ARFGEF1: variants seen among roughly 807,000 people sequenced by gnomAD.
The protein encoded by ARFGEF1 is ARF guanine nucleotide exchange factor 1.
ARFGEF1 carries 42 observed loss-of-function variants against 231.0 expected under a neutral mutation model. The observed-to-expected ratio is 0.18, with a 90% CI of 0.14 to 0.24. ARFGEF1 has a LOEUF of 0.24. ARFGEF1 is among the 10% of genes least tolerant of loss of function. The pLI is 1.00. For missense variants in ARFGEF1, 1,345 were observed against 2,192.0 expected, an observed-to-expected ratio of 0.61 and a Z score of 7.72; for synonymous variants, 710 against 732.3, an observed-to-expected ratio of 0.97 and a Z score of 0.49.
At chr8:67,331,271 A>T (rs1808086298) in intron 1 of ARFGEF1, among the ~76,000 whole-genome samples, 1 of 152,184 alleles carries the variant, frequency 6.6e-6, no homozygotes, top group Non-Finnish European at 1.5e-5. Context: ...TATGGTCTGT[A>T]TGTTTGTGTC....
At chr8:67,306,051 T>C (rs537460962) in intron 1 of ARFGEF1, among the ~76,000 whole-genome samples, 4 of 152,356 alleles carry the variant, frequency 2.6e-5, no homozygotes, top group Non-Finnish European at 5.9e-5. Flanking sequence ...CAGCATATGA[T>C]TGTTTTTTCT....
chr8:67,341,697 C>A (rs918667055), intron 1 of ARFGEF1, among the ~76,000 whole-genome samples: 2 of 152,154 alleles, frequency 1.3e-5, no homozygotes, highest in Middle Eastern at 3.2e-3. Flanking sequence ...TTTTAAAAAT[C>A]CTGAAATCAC....
rs145615177 is a variant in ARFGEF1, at chr8:67,229,030, T to C, written c.3381-766A>G. ...ATTTGCATGATAAAAAGGAAAACTT[T>C]AAAGGCAGGAGCAGGTCACAGTAGT... On this transcript the variant is annotated intron_variant, in intron 23 of 38. Transcript: ENST00000262215. Among the ~76,000 whole-genome samples the C allele has an allele frequency of 4.3e-4, 65 of 152,164 alleles. No individual in the cohort carries two copies. In the East Asian group the frequency reaches 0.012, roughly 28 times the overall value.
intron 30 of ARFGEF1, 69 bp from the exon 31 acceptor site, chr8:67,218,207 AATATATATAT>A (rs1228163654): frequency 6.6e-5 from 6 of 91,348 alleles, no homozygotes; most frequent in South Asian, 3.6e-4. Flanking sequence ...AAAAAAAAAA[AATATATATAT>A]ATATATATAT....
chr8:67,241,716 CT>C (rs1232525473), intron 19 of ARFGEF1, among the ~76,000 whole-genome samples: 2 of 152,102 alleles, frequency 1.3e-5, no homozygotes, highest in Admixed American at 1.3e-4. Flanking sequence ...TAACAACTAT[CT>C]ACACACAAAA....
At chr8:67,246,301 T>C (rs189205839) in intron 19 of ARFGEF1, among the ~76,000 whole-genome samples, 6 of 150,710 alleles carry the variant, frequency 4.0e-5, no homozygotes, top group Non-Finnish European at 5.9e-5. Context: ...CCAATGGCAG[T>C]AGCATACACA....
intron 35 of ARFGEF1, among the ~76,000 whole-genome samples, chr8:67,203,882 T>A (rs1039136205): frequency 6.6e-6 from 1 of 151,750 alleles, no homozygotes; most frequent in African/African-American, 2.4e-5. Context: ...CCCCCAGCCC[T>A]CCCCCTGCCG....
intron 1 of ARFGEF1, among the ~76,000 whole-genome samples, chr8:67,321,610 G>A (rs572234159): frequency 4.7e-4 from 72 of 152,058 alleles, no homozygotes; most frequent in African/African-American, 1.6e-3. Flanking sequence ...ACAGGCACCC[G>A]CCACCACGCC....
chr8:67,336,145 A>G (rs1222078714), intron 1 of ARFGEF1, among the ~76,000 whole-genome samples: 1 of 152,262 alleles, frequency 6.6e-6, no homozygotes, highest in Non-Finnish European at 1.5e-5. Context: ...GCAAAACAAA[A>G]TATCAAAAGC....
chr8:67,296,305 T>G, intron 5 of ARFGEF1, 126 bp downstream of exon 5: 1 of 888,440 alleles, frequency 1.1e-6, no homozygotes, highest in Non-Finnish European at 1.7e-6. Context: ...CTCCAGTAAG[T>G]GGAAATGTAA....
chr8:67,192,483 A>G (rs1021294149), intron 5 of ARFGEF1, among the ~76,000 whole-genome samples: 1 of 151,976 alleles, frequency 6.6e-6, no homozygotes, highest in Non-Finnish European at 1.5e-5. Context: ...CTTTTTTCCC[A>G]TTCTGTATCT....
downstream of ARFGEF1, chr8:67,195,777 A>G: frequency 3.4e-6 from 2 of 581,528 alleles, no homozygotes; most frequent in South Asian, 4.4e-5. Flanking sequence ...TTATTGATTT[A>G]TATAATAGAA....
Position 67,343,537 on chromosome 8 carries a change from G to T in ARFGEF1, c.-250C>A. On this transcript the variant is annotated 5_prime_UTR_variant, in exon 1 of 39. Transcript: ENST00000262215. ...CGAGGGCCGCGCCCGTCGGGCCTCC[G>T]CTTCTCCCGGCCCGGGGGTCGCGTC... 1.7e-6 allele frequency: 2 copies of T among 1,159,812 alleles called. No individual in the cohort carries two copies. The highest frequency in any genetic ancestry group is 2.1e-6 in the Non-Finnish European group (2 of 940,766). The allele number at this position is 1,159,812 out of a possible 1,614,324, so 71.8% of individuals were successfully genotyped here.
intron 5 of ARFGEF1, among the ~76,000 whole-genome samples, chr8:67,190,292 C>T (rs889621484): frequency 5.3e-5 from 8 of 152,172 alleles, no homozygotes; most frequent in African/African-American, 1.9e-4. Flanking sequence ...GAATCTCAAA[C>T]ACCTTATTGC....
At chr8:67,213,399 T>C (rs890050265) in intron 33 of ARFGEF1, among the ~76,000 whole-genome samples, 2 of 152,162 alleles carry the variant, frequency 1.3e-5, no homozygotes, top group African/African-American at 4.8e-5. Context: ...ACAAATTACT[T>C]CCAAAGAATT....
intron 7 of ARFGEF1, among the ~76,000 whole-genome samples, chr8:67,281,300 TAAC>T (rs1379595249): frequency 6.6e-6 from 1 of 151,684 alleles, no homozygotes; most frequent in East Asian, 1.9e-4. Context: ...GAATTAACAA[TAAC>T]AACAAAAAAA....
chr8:67,270,714 T>TAAA (rs11349768), intron 10 of ARFGEF1, among the ~76,000 whole-genome samples: 1 of 127,622 alleles, frequency 7.8e-6, no homozygotes. Flanking sequence ...TGGTACACCT[T>TAAA]AAAAAAAAAA....
chr8:67,331,878 T>C (rs910136891), intron 1 of ARFGEF1, among the ~76,000 whole-genome samples: 2 of 152,236 alleles, frequency 1.3e-5, no homozygotes, highest in Non-Finnish European at 2.9e-5. Context: ...TATGGCAACC[T>C]TGCCTTAAGG....
At chr8:67,271,057 A>C (rs1449309557) in intron 10 of ARFGEF1, among the ~76,000 whole-genome samples, 1 of 150,218 alleles carries the variant, frequency 6.7e-6, no homozygotes. Context: ...AAAAGAAAAA[A>C]AAAAAAAGAA....
Sources: allele counts gnomAD v4.1 joint callset (sites outside exome capture counted in the v4.1 genomes callset), GRCh38; gene constraint gnomAD v4.1.1; transcripts MANE v1.5; gene names NCBI Gene and HGNC (gene_info 2026-07-23, HGNC 2026-07-21).